The following SLC44A2 variants were observed in gnomAD, a reference collection of about 807,000 sequenced individuals.
SLC44A2 encodes the protein choline transporter-like protein 2.
SLC44A2 carries 57 observed loss-of-function variants against 90.8 expected under a neutral mutation model. That is an observed-to-expected ratio of 0.63 (90% confidence interval 0.51 to 0.78). The LOEUF is 0.78. Ranked by LOEUF, SLC44A2 falls within the 30% of genes least tolerant of loss-of-function variation. The probability of loss-of-function intolerance (pLI) is 0.00; values close to 1 mark genes in which losing one functional copy is unlikely to be tolerated. For missense variants in SLC44A2, 794 were observed against 919.7 expected, an observed-to-expected ratio of 0.86 and a Z score of 1.77; for synonymous variants, 355 against 360.7, an observed-to-expected ratio of 0.98 and a Z score of 0.18.
intron 1 of SLC44A2, among the ~76,000 whole-genome samples, chr19:10,608,954 CTTTT>C (rs35684067): frequency 9.0e-6 from 1 of 111,192 alleles, no homozygotes. Context: ...CCCAGCCTAC[CTTTT>C]TTTTTTTTTT....
intron 20 of SLC44A2, 71 bp downstream of exon 20, chr19:10,638,386 C>G (rs913306358): frequency 2.9e-5 from 40 of 1,391,604 alleles, no homozygotes; most frequent in Non-Finnish European, 4.0e-5. Flanking sequence ...TCTTCTTTGA[C>G]TAGATAAATG....
At chr19:10,640,934 A>C in intron 20 of SLC44A2, 1 of 213,904 alleles carries the variant, frequency 4.7e-6, no homozygotes, top group Non-Finnish European at 9.7e-6. Context: ...AAAATACAAA[A>C]AAATTAGTCA....
intron 16 of SLC44A2, 52 bp downstream of exon 16, chr19:10,636,808 T>C: frequency 6.4e-7 from 1 of 1,552,132 alleles, no homozygotes; most frequent in Non-Finnish European, 8.8e-7. Flanking sequence ...CGAGGCTGAA[T>C]AGCGAACCAG....
intron 1 of SLC44A2, among the ~76,000 whole-genome samples, chr19:10,609,648 A>G (rs1213340934): frequency 6.6e-6 from 1 of 152,022 alleles, no homozygotes; most frequent in Non-Finnish European, 1.5e-5. Flanking sequence ...GTTTTTTTGT[A>G]GAGATAGAGT....
intron 20 of SLC44A2, chr19:10,641,158 C>G: frequency 2.7e-6 from 1 of 367,054 alleles, no homozygotes; most frequent in Non-Finnish European, 5.3e-6. Flanking sequence ...TTTGGGAGGC[C>G]GAGGCAGGCA....
chr19:10,610,796 T>A (rs528857281), intron 1 of SLC44A2, among the ~76,000 whole-genome samples: 1 of 150,760 alleles, frequency 6.6e-6, no homozygotes, highest in South Asian at 2.1e-4. Flanking sequence ...TGTGCCACCA[T>A]GCCTGGCTCA....
chr19:10,630,267 T>C (rs2066979486), intron 4 of SLC44A2, among the ~76,000 whole-genome samples: 1 of 151,990 alleles, frequency 6.6e-6, no homozygotes, highest in African/African-American at 2.4e-5. Flanking sequence ...GGAGGATCAC[T>C]TGATCCTAGG....
intron 15 of SLC44A2, 37 bp downstream of exon 15, chr19:10,636,622 G>T: frequency 6.2e-7 from 1 of 1,607,322 alleles, no homozygotes; most frequent in Non-Finnish European, 8.5e-7. Flanking sequence ...GGTGGAGGAC[G>T]AGGCCTGGCC....
Position 10,616,297 on chromosome 19 carries a change from C to T in SLC44A2, c.32-9956C>T, listed in dbSNP as rs551752521. On this transcript the variant is annotated intron_variant, in intron 1 of 21. Transcript: ENST00000407327. The stretch of plus-strand genomic sequence containing the variant: ...CCAGGCTGGAGTGCAGTGGGGCAAT[C>T]TGAGCCCTCTGCAACCTCCGTCTCC... Among the ~76,000 whole-genome samples, 165 of 152,252 alleles carry T rather than the reference C, an allele frequency of 1.1e-3. 1 individual carries two copies. The highest frequency in any genetic ancestry group is 3.7e-3 in the African/African-American group (154 of 41,564).
rs2066925328 is a variant in SLC44A2, at chr19:10,625,683, C to T, written c.37+13C>T. 2 of 1,249,256 alleles carry T rather than the reference C, an allele frequency of 1.6e-6. No individual in the cohort carries two copies. The highest frequency in any genetic ancestry group is 3.1e-5 in the East Asian group (1 of 31,760). The allele number at this position is 1,249,256 out of a possible 1,614,324, so 77.4% of individuals were successfully genotyped here. A position where few individuals can be genotyped will look rare whatever the true frequency, so the allele number is the denominator to read the frequency against. On this transcript the variant is annotated intron_variant, in intron 1 of 21. Transcript: ENST00000335757. ...TACGGGAAACACGGTAGGCAGCGAC[C>T]CCCGCCCGTAGCCCCGGGCCGACCC... is the stretch of plus-strand genomic sequence containing the variant.
At chr19:10,607,517 ATTTTTTT>A (rs61695650) in intron 1 of SLC44A2, among the ~76,000 whole-genome samples, 2 of 127,390 alleles carry the variant, frequency 1.6e-5, no homozygotes, top group Non-Finnish European at 1.6e-5. Context: ...TACTCAACTA[ATTTTTTT>A]TTTTTTTTTT....
At chr19:10,641,091 G>GA (rs1403128019) in intron 20 of SLC44A2, 3 of 338,334 alleles carry the variant, frequency 8.9e-6, no homozygotes, top group Non-Finnish European at 1.1e-5. Context: ...CGTCTCAGGA[G>GA]GGAAAAAAAA....
intron 21 of SLC44A2, among the ~76,000 whole-genome samples, 167 bp downstream of exon 21, chr19:10,642,618 G>A (rs934115441): frequency 2.6e-5 from 4 of 151,984 alleles, no homozygotes; most frequent in African/African-American, 9.7e-5. Flanking sequence ...TTCCTTTTGC[G>A]CTTAGAAGCA....
At chr19:10,633,973 A>ATTTTTTTT (rs1406434263) in intron 10 of SLC44A2, among the ~76,000 whole-genome samples, 70,712 of 107,230 alleles carry the variant, frequency 0.66, 24,638 homozygotes, top group African/African-American at 0.8. Context: ...CCCCATCTCT[A>ATTTTTTTT]TTTTTTTTTT....
chr19:10,639,699 C>T (rs533472039), intron 20 of SLC44A2, among the ~76,000 whole-genome samples: 6 of 151,998 alleles, frequency 3.9e-5, no homozygotes, highest in Admixed American at 1.3e-4. Flanking sequence ...GCCAGCATGG[C>T]GAAACCCAGT....
chr19:10,636,411 C>T lies in SLC44A2; in HGVS notation c.1322C>T (p.Ala441Val). 2 of 1,614,062 alleles carry T rather than the reference C, an allele frequency of 1.2e-6. No homozygotes were observed. The highest frequency in any genetic ancestry group is 8.5e-7 in the Non-Finnish European group (1 of 1,180,022). ...FYGGESGYHR[A>V]LLGLQIFNAF... ...GGTGGTGAGTCGGGCTACCACCGGG[C>T]CCTGCTGGGCCTGCAGATCTTCAAT... Residue 441 changes from alanine to valine, a missense_variant, in exon 15 of 22, where the codon GCC (alanine) becomes GTC (valine). Ala to Val is a moderately conservative substitution (Grantham distance 64). This residue lies in a region of SLC44A2 where 738 missense variants were observed against 841.1 expected (regional missense o/e 0.88). Transcript: ENST00000335757.
chr19:10,629,895 A>G (rs1275443790), intron 4 of SLC44A2, among the ~76,000 whole-genome samples: 21 of 151,512 alleles, frequency 1.4e-4, no homozygotes, highest in Admixed American at 1.3e-3. Flanking sequence ...CTGGGATTAC[A>G]GGTGCCCGCC....
intron 10 of SLC44A2, 82 bp from the exon 11 acceptor site, chr19:10,634,674 T>G (rs1458475244): frequency 1.3e-6 from 2 of 1,597,370 alleles, no homozygotes; most frequent in Non-Finnish European, 1.7e-6. Flanking sequence ...GATGTTTGCT[T>G]CTGTTAAATG....
chr19:10,609,967 G>A (rs1599569025), intron 1 of SLC44A2, among the ~76,000 whole-genome samples: 2 of 151,582 alleles, frequency 1.3e-5, no homozygotes, highest in African/African-American at 4.8e-5. Flanking sequence ...AACCATGCCC[G>A]GCTAATTTTT....
Sources: allele counts gnomAD v4.1 joint callset (sites outside exome capture counted in the v4.1 genomes callset), GRCh38; gene constraint gnomAD v4.1.1; regional missense constraint gnomAD v4.1.1; transcripts MANE v1.5; gene names NCBI Gene and HGNC (gene_info 2026-07-23, HGNC 2026-07-21).